The following SLC34A1 variants were observed in gnomAD, a reference collection of about 807,000 sequenced individuals.
SLC34A1 encodes the protein solute carrier family 34 member 1, also known as sodium-dependent phosphate transport protein 2A.
SLC34A1 carries 57 observed loss-of-function variants against 51.4 expected under a neutral mutation model. That is an observed-to-expected ratio of 1.11 (90% confidence interval 0.90 to 1.38). SLC34A1 has a LOEUF of 1.38. SLC34A1 is among the 40% of genes most tolerant of loss of function. The pLI, the probability that SLC34A1 is intolerant of heterozygous loss-of-function variation, is 0.00. For missense variants in SLC34A1, 796 were observed against 835.6 expected, an observed-to-expected ratio of 0.95 and a Z score of 0.58; for synonymous variants, 368 against 358.0, an observed-to-expected ratio of 1.03 and a Z score of -0.32.
chr5:177,397,859 T>C lies in SLC34A1; in HGVS notation c.1493T>C (p.Ile498Thr), dbSNP rs769453729. ...WYPVPCTRLP[I>T]RMAKALGKRT... ...CCGGTGCCCTGCACACGCCTGCCCA[T>C]CCGCATGGCCAAGGCGCTGGGGAAA... The change falls in exon 13 of 13, where the codon ATC becomes ACC. Residue 498 changes from isoleucine to threonine, a missense_variant. Coordinates refer to ENST00000324417, the MANE Select transcript of SLC34A1 (RefSeq NM_003052.5). 1.2e-6 allele frequency: 2 copies of C among 1,613,814 alleles called. No homozygotes were observed. Among genetic ancestry groups the C allele is most frequent in the Non-Finnish European group, 1.7e-6 (2 of 1,180,004 alleles).
chr5:177,385,494 C>T (rs937431413), intron 1 of SLC34A1, among the ~76,000 whole-genome samples: 1 of 151,642 alleles, frequency 6.6e-6, no homozygotes, highest in Non-Finnish European at 1.5e-5. Context: ...ATGTGAGTCT[C>T]GGAGGGCTGT....
chr5:177,394,471 AG>A (rs1762897271), intron 10 of SLC34A1, among the ~76,000 whole-genome samples: 1 of 152,182 alleles, frequency 6.6e-6, no homozygotes, highest in Admixed American at 6.5e-5. Flanking sequence ...TTGTGTGACA[AG>A]GGAGGTGTAG....
chr5:177,397,130 G>C, intron 12 of SLC34A1, 56 bp downstream of exon 12: 1 of 1,595,452 alleles, frequency 6.3e-7, no homozygotes, highest in Non-Finnish European at 8.5e-7. Context: ...CTGGGGTGTG[G>C]GGCCTCACAA....
chr5:177,397,336 G>T, intron 12 of SLC34A1: 1 of 535,830 alleles, frequency 1.9e-6, no homozygotes, highest in Admixed American at 3.2e-5. Flanking sequence ...AAGAGGAAGA[G>T]GCACTACAAA....
Position 177,385,732 on chromosome 5 carries a change from G to C in SLC34A1, c.-10G>C, listed in dbSNP as rs750764456. 8 of 1,605,508 alleles carry C rather than the reference G, an allele frequency of 5.0e-6. No homozygotes were observed. The Admixed American group carries it at 1.3e-4, about 27-fold the overall frequency. ...CCACTGACCTGCAGACCTCATAGTGGGTGCCCAGGATGTTGTCCTACGGAG... is the reference window on the plus strand; with the variant it reads ...CCACTGACCTGCAGACCTCATAGTGCGTGCCCAGGATGTTGTCCTACGGAG... On this transcript the variant is annotated 5_prime_UTR_variant, in exon 2 of 13. Transcript: ENST00000324417.
Position 177,396,776 on chromosome 5 carries a change from G to A in SLC34A1, c.1218G>A (p.Met406Ile). 1.9e-6 allele frequency: 3 copies of A among 1,614,228 alleles called. No individual in the cohort carries two copies. The highest frequency in any genetic ancestry group is 2.2e-5 in the South Asian group (2 of 91,082). ...CCTGGGTCACAGGCTACTTTGCCAT[G>A]GTGGTGGGCGCCAGCATGACCTTCG... The part of the protein sequence containing the change: ...PFTWVTGYFA[M>I]VVGASMTFVV... The change falls in exon 11 of 13, where the codon ATG becomes ATA. Residue 406 changes from methionine to isoleucine, a missense_variant. Physicochemically the swap from Met to Ile is conservative, Grantham distance 10 (BLOSUM62 1). Coordinates refer to ENST00000324417, the MANE Select transcript of SLC34A1 (RefSeq NM_003052.5). The surrounding 1 kb of genome is among the most constrained non-coding windows in gnomAD (Gnocchi z 4.0).
At chr5:177,390,062 T>G in intron 8 of SLC34A1, 1 of 1,178,290 alleles carries the variant, frequency 8.5e-7, no homozygotes. Flanking sequence ...TTGCAAAGTG[T>G]GAAGTGCGTC....
chr5:177,389,993 C>T (rs1043515183), intron 8 of SLC34A1: 1 of 1,364,908 alleles, frequency 7.3e-7, no homozygotes, highest in Non-Finnish European at 9.5e-7. Flanking sequence ...ACTTTCATCC[C>T]CTTTCTGGGA....
In SLC34A1 at chr5:177,397,863, C is replaced by T. The variant is rs928799060; in HGVS notation, c.1497C>T (p.Arg499=). 1 of 1,613,788 alleles carries T rather than the reference C, an allele frequency of 6.2e-7. No individual in the cohort carries two copies. The highest frequency in any genetic ancestry group is 8.5e-7 in the Non-Finnish European group (1 of 1,180,032). ...YPVPCTRLPI[R]MAKALGKRTA... ...TGCCCTGCACACGCCTGCCCATCCG[C>T]ATGGCCAAGGCGCTGGGGAAACGCA... is the stretch of plus-strand genomic sequence containing the variant. The change falls in exon 13 of 13, where the codon CGC becomes CGT. Residue 499 remains arginine (R), a synonymous_variant. Transcript: ENST00000324417.
At chr5:177,390,484 G>A in intron 8 of SLC34A1, 2 of 552,706 alleles carry the variant, frequency 3.6e-6, no homozygotes, top group Non-Finnish European at 4.6e-6. Flanking sequence ...ATGTAATTGA[G>A]GTAGGATACA....
chr5:177,391,871 A>G (rs1762815185), intron 8 of SLC34A1, among the ~76,000 whole-genome samples: 1 of 152,192 alleles, frequency 6.6e-6, no homozygotes, highest in South Asian at 2.1e-4. Context: ...GGCATGGCTT[A>G]CCCAGGGTGG....
Position 177,397,803 on chromosome 5 carries a change from C to T in SLC34A1, c.1437C>T (p.Phe479=), listed in dbSNP as rs764797425. 6.2e-7 allele frequency: 1 copy of T among 1,611,596 alleles called. No homozygotes were observed. The highest frequency in any genetic ancestry group is 8.5e-7 in the Non-Finnish European group (1 of 1,179,986). ...TGCAGATTGCCCTCTGTCACTTCTT[C>T]TTCAACATCTCGGGTATCCTTCTGT... ...SAFQIALCHF[F]FNISGILLWY... The change falls in exon 13 of 13, where the codon TTC becomes TTT. Residue 479 remains phenylalanine (F), a synonymous_variant. Coordinates refer to ENST00000324417, the MANE Select transcript of SLC34A1 (RefSeq NM_003052.5).
In SLC34A1 at chr5:177,394,048, A is replaced by G; in HGVS notation, c.1027A>G (p.Thr343Ala). The G allele has an allele frequency of 6.2e-7, 1 of 1,614,052 alleles. No individual in the cohort carries two copies. The highest frequency in any genetic ancestry group is 8.5e-7 in the Non-Finnish European group (1 of 1,180,034). The change falls in exon 10 of 13, where the codon ACT (threonine) becomes GCT (alanine). Residue 343 changes from threonine to alanine, a missense_variant. Physicochemically the swap from Thr to Ala is moderately conservative, Grantham distance 58. Coordinates refer to ENST00000324417, the MANE Select transcript of SLC34A1 (RefSeq NM_003052.5). ...MEKCNHIFVD[T>A]GLPDLAVGLI... ...TGCAGGCAACCACATCTTTGTGGAC[A>G]CTGGCCTACCGGACCTGGCTGTGGG...
At position 177,397,800 on chromosome 5, in the gene SLC34A1, C is replaced by T; in HGVS notation, c.1434C>T (p.Phe478=). 6.2e-7 allele frequency: 1 copy of T among 1,611,270 alleles called. No homozygotes were observed. Among genetic ancestry groups the T allele is most frequent in the Non-Finnish European group, 8.5e-7 (1 of 1,179,984 alleles). ...CCCTGCAGATTGCCCTCTGTCACTT[C>T]TTCTTCAACATCTCGGGTATCCTTC... ...SSAFQIALCH[F]FFNISGILLW... Residue 478 remains phenylalanine (F), a synonymous_variant, in exon 13 of 13, where the codon TTC becomes TTT. Coordinates refer to ENST00000324417, the MANE Select transcript of SLC34A1 (RefSeq NM_003052.5).
Position 177,386,412 on chromosome 5 carries a change from A to C in SLC34A1, c.389-11A>C, listed in dbSNP as rs1762574489. On this transcript the variant is annotated splice_polypyrimidine_tract_variant and intron_variant, in intron 4 of 12. Transcript: ENST00000324417. This position sits in a 1 kb window ranked among gnomAD's most constrained non-coding sequence, Gnocchi z 4.8. ...GAAGGGCCTTGGACAACGCTGGCTC[A>C]TGCTCCCCAGGGAAGGTGGCTGGTG... is the stretch of plus-strand genomic sequence containing the variant. 6.2e-7 allele frequency: 1 copy of C among 1,614,230 alleles called. No homozygotes were observed. Among genetic ancestry groups the C allele is most frequent in the South Asian group, 1.1e-5 (1 of 91,084 alleles).
rs374216230 is a variant in SLC34A1, at chr5:177,397,706, A to G, written c.1417-77A>G. The G allele has an allele frequency of 1.1e-4, 178 of 1,581,242 alleles. 3 individuals are homozygous for G. The East Asian group carries it at 3.5e-3, about 31-fold the overall frequency. ...CTGCCCAGACCAGATCGGGGTTCCT[A>G]TCATCTACCCCTGCTGGCCTGACAC... is the stretch of plus-strand genomic sequence containing the variant. On this transcript the variant is annotated intron_variant, in intron 12 of 12. Transcript: ENST00000324417.
chr5:177,387,395 AAAAC>A (rs1007418297), intron 5 of SLC34A1, among the ~76,000 whole-genome samples: 1 of 152,150 alleles, frequency 6.6e-6, no homozygotes, highest in Non-Finnish European at 1.5e-5. Flanking sequence ...ACTCTGTCTC[AAAAC>A]AAACAAACAA....
At position 177,385,736 on chromosome 5, in the gene SLC34A1, C is replaced by A; in HGVS notation, c.-6C>A. The A allele has an allele frequency of 6.2e-7, 1 of 1,607,864 alleles. No homozygotes were observed. The highest frequency in any genetic ancestry group is 8.5e-7 in the Non-Finnish European group (1 of 1,175,926). ...TGACCTGCAGACCTCATAGTGGGTGCCCAGGATGTTGTCCTACGGAGAGAG... is the reference window on the plus strand; with the variant it reads ...TGACCTGCAGACCTCATAGTGGGTGACCAGGATGTTGTCCTACGGAGAGAG... On this transcript the variant is annotated 5_prime_UTR_variant, in exon 2 of 13. Transcript: ENST00000324417.
Position 177,398,199 on chromosome 5 carries a change from C to A in SLC34A1, c.1833C>A (p.Pro611=), listed in dbSNP as rs1763035878. ...ARPEPRSPPL[P]PRVFLEELPP... ...CTGAGCCCCGCTCACCCCCGCTGCC[C>A]CCCAGGGTCTTCCTGGAGGAGCTAC... The change falls in exon 13 of 13, where the codon CCC becomes CCA. Residue 611 remains proline, a synonymous_variant. Coordinates refer to ENST00000324417, the MANE Select transcript of SLC34A1 (RefSeq NM_003052.5). The surrounding 1 kb of genome is among the most constrained non-coding windows in gnomAD (Gnocchi z 4.7). The A allele has an allele frequency of 1.9e-6, 3 of 1,608,892 alleles. No individual in the cohort carries two copies. The highest frequency in any genetic ancestry group is 4.5e-5 in the East Asian group (2 of 44,880).
Sources: gnomAD v4.1 joint callset for allele counts (sites outside exome capture counted in the v4.1 genomes callset) on GRCh38, gnomAD v4.1.1 for gene constraint, Gnocchi (gnomAD v3.1) non-coding constraint, MANE v1.5 for transcripts, NCBI Gene and HGNC (gene_info 2026-07-23, HGNC 2026-07-21) for gene names.